Variants in EPC2 observed in about 807,000 individuals in gnomAD.
EPC2 encodes enhancer of polycomb homolog 2.
EPC2 carries 14 observed loss-of-function variants against 92.1 expected under a neutral mutation model. The observed-to-expected ratio is 0.15, with a 90% CI of 0.10 to 0.24. EPC2 has a LOEUF of 0.24. Ranked by LOEUF, EPC2 falls within the 10% of genes least tolerant of loss-of-function variation. EPC2 has a pLI of 1.00. For synonymous variants in EPC2, 340 were observed against 334.7 expected, an observed-to-expected ratio of 1.02 and a Z score of -0.17; for missense variants, 755 against 971.5, an observed-to-expected ratio of 0.78 and a Z score of 2.96.
intron 2 of EPC2, among the ~76,000 whole-genome samples, chr2:148,697,563 A>G (rs1318949946): frequency 6.6e-6 from 1 of 152,186 alleles, no homozygotes; most frequent in African/African-American, 2.4e-5. Flanking sequence ...GAGGAGCTCT[A>G]CTGAAAGGGA....
intron 2 of EPC2, among the ~76,000 whole-genome samples, chr2:148,710,930 A>T (rs1574597629): frequency 6.6e-6 from 1 of 152,166 alleles, no homozygotes; most frequent in East Asian, 1.9e-4. Context: ...GTATGCACGC[A>T]TACACACACA....
At chr2:148,752,800 AT>A (rs1227829958) in intron 3 of EPC2, among the ~76,000 whole-genome samples, 1 of 152,190 alleles carries the variant, frequency 6.6e-6, no homozygotes, top group Non-Finnish European at 1.5e-5. Flanking sequence ...AACACAAGAA[AT>A]CATGAGAAAT....
chr2:148,701,470 G>T (rs552240874), intron 2 of EPC2, among the ~76,000 whole-genome samples: 1 of 152,128 alleles, frequency 6.6e-6, no homozygotes, highest in East Asian at 1.9e-4. Flanking sequence ...CATGAAAGAG[G>T]GTTAGATTTT....
At chr2:148,718,355 G>GT (rs1219113707) in intron 2 of EPC2, among the ~76,000 whole-genome samples, 2 of 152,130 alleles carry the variant, frequency 1.3e-5, no homozygotes, top group African/African-American at 4.8e-5. Context: ...ACTTCAGTGT[G>GT]TTTTTGTAGC....
intron 2 of EPC2, among the ~76,000 whole-genome samples, chr2:148,707,024 A>C (rs1682015796): frequency 6.6e-6 from 1 of 152,228 alleles, no homozygotes; most frequent in African/African-American, 2.4e-5. Context: ...TAAATGGGTT[A>C]AATGCCCCAA....
chr2:148,757,662 A>C (rs1316944019), intron 4 of EPC2, among the ~76,000 whole-genome samples: 1 of 151,760 alleles, frequency 6.6e-6, no homozygotes, highest in Non-Finnish European at 1.5e-5. Context: ...ACGTGGAGAA[A>C]CCTCATCTCT....
At chr2:148,720,946 CAG>C (rs1682360424) in intron 2 of EPC2, among the ~76,000 whole-genome samples, 1 of 152,146 alleles carries the variant, frequency 6.6e-6, no homozygotes, top group Non-Finnish European at 1.5e-5. Context: ...GCCCTGTCCC[CAG>C]AATTGCTTCA....
Position 148,765,003 on chromosome 2 carries a change from CAAA to C in EPC2, c.999_1001del (p.Lys336del), listed in dbSNP as rs1170439243. 2.5e-6 allele frequency: 4 copies of C among 1,602,602 alleles called. No homozygotes were observed. In the African/African-American group the frequency reaches 5.4e-5, roughly 21 times the overall value. On this transcript the variant is annotated inframe_deletion, in exon 7 of 14. Coordinates refer to ENST00000258484, the MANE Select transcript of EPC2 (RefSeq NM_015630.4). Reference sequence around the variant, plus strand: ...AGAAGAGGCTTCTGATGTGGTTCGTCAAAAGAAGAAGTACCCAAAGAAGCCTAA... The same window carrying C: ...AGAAGAGGCTTCTGATGTGGTTCGTCAGAAGAAGTACCCAAAGAAGCCTAA...
intron 1 of EPC2, among the ~76,000 whole-genome samples, chr2:148,666,402 C>A (rs1653262986): frequency 6.6e-6 from 1 of 152,090 alleles, no homozygotes. Context: ...CCTTGGCCTC[C>A]CAAAGTGCCG....
intron 1 of EPC2, among the ~76,000 whole-genome samples, chr2:148,658,739 T>C (rs1680869527): frequency 6.6e-6 from 1 of 151,900 alleles, no homozygotes; most frequent in Admixed American, 6.6e-5. Flanking sequence ...TGAAAAACGC[T>C]GCTTTACTTA....
intron 2 of EPC2, among the ~76,000 whole-genome samples, chr2:148,736,547 A>G (rs934060570): frequency 6.6e-6 from 1 of 152,088 alleles, no homozygotes; most frequent in Non-Finnish European, 1.5e-5. Flanking sequence ...CATGTCTCTA[A>G]GATTGATTAG....
intron 2 of EPC2, among the ~76,000 whole-genome samples, chr2:148,711,357 T>G (rs902118786): frequency 1.3e-5 from 2 of 152,170 alleles, no homozygotes; most frequent in Non-Finnish European, 2.9e-5. Flanking sequence ...AACACATATT[T>G]AAAATACTTG....
At chr2:148,651,076 T>A (rs939707058) in intron 1 of EPC2, among the ~76,000 whole-genome samples, 5 of 152,142 alleles carry the variant, frequency 3.3e-5, no homozygotes, top group African/African-American at 1.2e-4. Flanking sequence ...AATGTTAGTG[T>A]AGTTGAGAGG....
intron 10 of EPC2, among the ~76,000 whole-genome samples, chr2:148,776,753 CACCTCTGTA>C (rs1683651771): frequency 6.6e-6 from 1 of 151,942 alleles, no homozygotes; most frequent in African/African-American, 2.4e-5. Flanking sequence ...TATAGTGACT[CACCTCTGTA>C]ATCTAGCACT....
At chr2:148,783,358 A>C (rs556540424) in intron 11 of EPC2, among the ~76,000 whole-genome samples, 3 of 152,354 alleles carry the variant, frequency 2.0e-5, no homozygotes, top group South Asian at 2.1e-4. Flanking sequence ...AATTAATAGA[A>C]CATTAAAGCC....
At chr2:148,648,916 T>C (rs1286083296) in intron 1 of EPC2, among the ~76,000 whole-genome samples, 1 of 152,228 alleles carries the variant, frequency 6.6e-6, no homozygotes, top group African/African-American at 2.4e-5. Context: ...ATTATCATTG[T>C]CCTCTGCTAA....
At position 148,787,190 on chromosome 2, in the gene EPC2, A is replaced by G. The variant is rs1401515463; in HGVS notation, c.*813A>G. 1.3e-5 allele frequency: 2 copies of G among 152,526 alleles called. No homozygotes were observed. The highest frequency in any genetic ancestry group is 1.9e-4 in the East Asian group (1 of 5,194). The allele number at this position is 152,526 out of a possible 1,614,324, so 9.4% of individuals were successfully genotyped here. On this transcript the variant is annotated 3_prime_UTR_variant, in exon 14 of 14. Transcript: ENST00000258484. ...AGGCTGCATATTTTAACTGGCTTTA[A>G]AACTGTAACACATCACATAAAAGAT...
At chr2:148,649,192 A>G (rs528373098) in intron 1 of EPC2, among the ~76,000 whole-genome samples, 1 of 152,346 alleles carries the variant, frequency 6.6e-6, no homozygotes, top group South Asian at 2.1e-4. Flanking sequence ...CTTTTTTTAA[A>G]TAAACTTTTT....
chr2:148,741,206 C>T (rs1005665313), intron 2 of EPC2, among the ~76,000 whole-genome samples: 8 of 152,110 alleles, frequency 5.3e-5, no homozygotes, highest in African/African-American at 1.9e-4. Flanking sequence ...TACAATAACA[C>T]AAATTTTAGA....
Sources: allele counts gnomAD v4.1 joint callset (sites outside exome capture counted in the v4.1 genomes callset), GRCh38; gene constraint gnomAD v4.1.1; transcripts MANE v1.5; gene names NCBI Gene and HGNC (gene_info 2026-07-23, HGNC 2026-07-21).